The following COPE variants were observed in gnomAD, a reference collection of about 807,000 sequenced individuals.
COPE encodes coat protein complex I subunit epsilon, also known as coatomer subunit epsilon.
Under a neutral mutation model 42.1 loss-of-function variants are expected in COPE, and 19 were observed. That is an observed-to-expected ratio of 0.45 (90% CI 0.31 to 0.66). The LOEUF (loss-of-function observed/expected upper bound fraction) is 0.66, where lower values mean the gene tolerates loss of function less well. COPE is among the 30% of genes least tolerant of loss of function. COPE has a pLI of 0.05. For missense variants in COPE, 402 were observed against 416.1 expected, an observed-to-expected ratio of 0.97 and a Z score of 0.30; for synonymous variants, 195 against 181.3, an observed-to-expected ratio of 1.08 and a Z score of -0.60.
At chr19:18,906,113 G>C in intron 4 of COPE, 1 of 398,726 alleles carries the variant, frequency 2.5e-6, no homozygotes, top group East Asian at 3.6e-5. Flanking sequence ...TCTTGTTCTT[G>C]TTTTCCTGCC....
chr19:18,913,515 A>G (rs1453904558), intron 1 of COPE, among the ~76,000 whole-genome samples: 1 of 152,230 alleles, frequency 6.6e-6, no homozygotes, highest in Non-Finnish European at 1.5e-5. Context: ...GCCATTGCAC[A>G]GAACTGAGGA....
intron 5 of COPE, among the ~76,000 whole-genome samples, chr19:18,905,161 A>G (rs560672607): frequency 2.1e-4 from 32 of 151,896 alleles, no homozygotes; most frequent in African/African-American, 7.7e-4. Flanking sequence ...AGTGTGAACA[A>G]CTCTGAGGCA....
intron 1 of COPE, among the ~76,000 whole-genome samples, chr19:18,918,348 TAA>T (rs143005552): frequency 0.076 from 11,553 of 152,214 alleles, 598 homozygotes; most frequent in Non-Finnish European, 0.12. Flanking sequence ...TCTTAGTCTG[TAA>T]AAGAGTGTTA....
At chr19:18,911,697 G>A (rs1288731240) in intron 2 of COPE, among the ~76,000 whole-genome samples, 4 of 148,874 alleles carry the variant, frequency 2.7e-5, no homozygotes, top group Admixed American at 6.7e-5. Context: ...GACTACAGGC[G>A]CCCGCCACCA....
intron 4 of COPE, chr19:18,905,954 AG>A (rs1401308974): frequency 2.0e-6 from 1 of 497,230 alleles, no homozygotes; most frequent in African/African-American, 2.0e-5. Context: ...ATCAACACTC[AG>A]GAACAAGGCC....
chr19:18,904,662 C>G lies in COPE; in HGVS notation c.579+109G>C, dbSNP rs990524639. 10 of 954,904 alleles carry G rather than the reference C, an allele frequency of 1.0e-5. No homozygotes were observed. In the African/African-American group the frequency reaches 1.5e-4, roughly 14 times the overall value. 59.2% of individuals were successfully genotyped at this position (954,904 alleles called of 1,614,324 possible). A position where few individuals can be genotyped will look rare whatever the true frequency, so the allele number is the denominator to read the frequency against. On this transcript the variant is annotated intron_variant, in intron 6 of 9. Transcript: ENST00000262812. Reference sequence around the variant, plus strand: ...GGCTGGCAGGGGCCACGGCCTGATCCTGGAGCCCCACTGGAGTGGCCAGCA... The same window carrying G: ...GGCTGGCAGGGGCCACGGCCTGATCGTGGAGCCCCACTGGAGTGGCCAGCA...
At position 18,902,776 on chromosome 19, in the gene COPE, G is replaced by A. The variant is rs1378280407; in HGVS notation, c.735+492C>T. ...GGAAGGAAGGAAGGAAGGGAAAGAA[G>A]GAAGGAAGGAAGGAAGGAAGGAAGG... On this transcript the variant is annotated intron_variant, in intron 7 of 9. Coordinates refer to ENST00000262812, the MANE Select transcript of COPE (RefSeq NM_007263.4). Among the ~76,000 whole-genome samples the A allele has an allele frequency of 3.3e-4, 5 of 15,082 alleles. 1 individual carries two copies. Among genetic ancestry groups the A allele is most frequent in the Admixed American group, 1.0e-3 (2 of 1,976 alleles). The allele number at this position is 15,082 out of a possible 152,430, so 9.9% of individuals were successfully genotyped here.
intron 3 of COPE, among the ~76,000 whole-genome samples, chr19:18,907,381 C>A: frequency 6.6e-6 from 1 of 152,186 alleles, no homozygotes; most frequent in Non-Finnish European, 1.5e-5. Context: ...GTCAGTCTCA[C>A]ACCAACCTCA....
At chr19:18,918,709 G>T (rs918840517) in intron 1 of COPE, among the ~76,000 whole-genome samples, 1 of 152,124 alleles carries the variant, frequency 6.6e-6, no homozygotes, top group Non-Finnish European at 1.5e-5. Flanking sequence ...AATTACAGGC[G>T]TTTGAGCCAC....
At position 18,903,262 on chromosome 19, in the gene COPE, G is replaced by C. The variant is rs757887908; in HGVS notation, c.735+6C>G. The C allele has an allele frequency of 1.2e-5, 19 of 1,582,138 alleles. 1 individual carries two copies. In the Admixed American group the frequency reaches 3.4e-4, roughly 28 times the overall value. ...CGTCCCCACTCTGGGACAGGCTTGT[G>C]CCTACCTTGTCTAGCGCCTCCTGCA... On this transcript the variant is annotated splice_donor_region_variant and intron_variant, in intron 7 of 9. Transcript: ENST00000262812.
chr19:18,903,722 G>A (rs950264525), intron 6 of COPE, among the ~76,000 whole-genome samples: 1 of 152,240 alleles, frequency 6.6e-6, no homozygotes, highest in African/African-American at 2.4e-5. Context: ...CTCAGGGTCT[G>A]AGTGGGGACC....
At chr19:18,910,202 G>A (rs534329691) in intron 3 of COPE, among the ~76,000 whole-genome samples, 58 of 152,296 alleles carry the variant, frequency 3.8e-4, no homozygotes, top group Non-Finnish European at 6.8e-4. Context: ...CTTGGCTGCC[G>A]CCCATGGGCG....
intron 7 of COPE, 88 bp from the exon 8 acceptor site, chr19:18,900,537 C>G (rs2056689195): frequency 9.9e-7 from 1 of 1,008,676 alleles, no homozygotes. Context: ...CAGCACCACA[C>G]AAGGTCACCT....
intron 7 of COPE, among the ~76,000 whole-genome samples, chr19:18,902,047 G>A (rs1008213758): frequency 1.3e-5 from 2 of 151,940 alleles, no homozygotes; most frequent in Non-Finnish European, 2.9e-5. Context: ...GGGCATGGTG[G>A]TGGGCGCCTG....
At chr19:18,900,232 G>C (rs377457106) in intron 8 of COPE, 149 bp downstream of exon 8, 35 of 683,946 alleles carry the variant, frequency 5.1e-5, no homozygotes, top group Non-Finnish European at 8.4e-5. Context: ...GATGGGTTGG[G>C]GGGCACAGGG....
intron 1 of COPE, among the ~76,000 whole-genome samples, chr19:18,913,904 C>T (rs2056832426): frequency 1.3e-5 from 2 of 152,306 alleles, no homozygotes; most frequent in South Asian, 2.1e-4. Flanking sequence ...AGTCACTCTG[C>T]CCTGTCCTCT....
intron 6 of COPE, 96 bp downstream of exon 6, chr19:18,904,675 G>T: frequency 9.3e-7 from 1 of 1,070,232 alleles, no homozygotes; most frequent in South Asian, 1.4e-5. Context: ...GAGCCCCACT[G>T]GAGTGGCCAG....
At chr19:18,901,871 CCTTT>C (rs2056701712) in intron 7 of COPE, among the ~76,000 whole-genome samples, 1 of 152,150 alleles carries the variant, frequency 6.6e-6, no homozygotes, top group South Asian at 2.1e-4. Context: ...GCTTTGATGT[CCTTT>C]CTGATTATAA....
rs1437885377 is a variant in COPE at position 18,899,660 on chromosome 19, T to C, written c.*19A>G. On this transcript the variant is annotated 3_prime_UTR_variant, in exon 10 of 10. Transcript: ENST00000262812. ...GGCCTCTGTCCTGGCTTCATGGTCC[T>C]GACAGCTCTGGGCCAGCCTCAGGCG... 1.2e-6 allele frequency: 2 copies of C among 1,613,282 alleles called. No individual in the cohort carries two copies. The highest frequency in any genetic ancestry group is 2.2e-5 in the East Asian group (1 of 44,890).
Sources: gnomAD v4.1 joint callset for allele counts (sites outside exome capture counted in the v4.1 genomes callset) on GRCh38, gnomAD v4.1.1 for gene constraint, MANE v1.5 for transcripts, NCBI Gene and HGNC (gene_info 2026-07-23, HGNC 2026-07-21) for gene names.